The following FANCA variants were observed in gnomAD, a reference collection of about 807,000 sequenced individuals.
The protein encoded by FANCA is FA complementation group A, also known as Fanconi anemia group A protein.
A neutral mutation model predicts 194.3 loss-of-function variants in FANCA; 236 were observed. That is an observed-to-expected ratio of 1.21 (90% confidence interval 1.09 to 1.35). The LOEUF (loss-of-function observed/expected upper bound fraction) is 1.35. Ranked by LOEUF, FANCA falls within the 40% of genes most tolerant of loss-of-function variation. The pLI is 0.00. For missense variants in FANCA, 2,628 were observed against 1,813.9 expected (o/e 1.45, Z -8.15); for synonymous variants, 1,014 against 715.8 (o/e 1.42, Z -6.65).
At chr16:89,815,832 C>T (rs371908086) in intron 2 of FANCA, 45 bp downstream of exon 2, 31 of 1,479,840 alleles carry the variant, frequency 2.1e-5, no homozygotes, top group Non-Finnish European at 2.8e-5. Context: ...ACTCAAAAAC[C>T]CCGAACCTAA....
intron 22 of FANCA, among the ~76,000 whole-genome samples, chr16:89,772,545 C>T (rs1431874523): frequency 6.6e-6 from 1 of 151,572 alleles, no homozygotes; most frequent in Non-Finnish European, 1.5e-5. Flanking sequence ...AGGCCAGGCA[C>T]GGTGGCTCAC....
At chr16:89,814,082 G>C (rs1017796004) in intron 3 of FANCA, among the ~76,000 whole-genome samples, 2 of 152,164 alleles carry the variant, frequency 1.3e-5, no homozygotes, top group African/African-American at 4.8e-5. Flanking sequence ...CATCACATAA[G>C]GACGTGAAGG....
At chr16:89,767,338 G>T in intron 26 of FANCA, 101 bp from the exon 27 acceptor site, 1 of 832,934 alleles carries the variant, frequency 1.2e-6, no homozygotes, top group Non-Finnish European at 2.0e-6. Flanking sequence ...AGTGCATTCC[G>T]AACTGGATGG....
At chr16:89,811,852 T>G (rs961384622) in intron 3 of FANCA, among the ~76,000 whole-genome samples, 1 of 152,064 alleles carries the variant, frequency 6.6e-6, no homozygotes, top group Non-Finnish European at 1.5e-5. Context: ...TGCCTCAGCC[T>G]CCCAAGTAGC....
chr16:89,737,818 A>C lies in FANCA; in HGVS notation c.*783T>G. 1 of 1,614,142 alleles carries C rather than the reference A, an allele frequency of 6.2e-7. No homozygotes were observed. Among genetic ancestry groups the C allele is most frequent in the Non-Finnish European group, 8.5e-7 (1 of 1,180,040 alleles). On this transcript the variant is annotated 3_prime_UTR_variant, in exon 43 of 43. Transcript: ENST00000389301. ...TCTCCCCTCTCAGAGGTGCGGAACTATATCTGTGACGAATGTGGACAAACC... is the reference window on the plus strand; with the variant it reads ...TCTCCCCTCTCAGAGGTGCGGAACTCTATCTGTGACGAATGTGGACAAACC...
At chr16:89,811,162 G>A in intron 3 of FANCA, 91 bp from the exon 4 acceptor site, 10 of 1,537,726 alleles carry the variant, frequency 6.5e-6, no homozygotes, top group Non-Finnish European at 7.1e-6. Flanking sequence ...CTTATTTTAA[G>A]ATGCAGCACA....
intron 20 of FANCA, among the ~76,000 whole-genome samples, chr16:89,777,733 T>C (rs2039558665): frequency 6.6e-6 from 1 of 152,148 alleles, no homozygotes; most frequent in Admixed American, 6.6e-5. Flanking sequence ...GATCCAAGGA[T>C]ACCTTATTAT....
chr16:89,755,156 T>C (rs2143193717), intron 30 of FANCA, among the ~76,000 whole-genome samples: 1 of 152,040 alleles, frequency 6.6e-6, no homozygotes. Context: ...CAAATGGTGC[T>C]GGGACAACTG....
At chr16:89,798,969 C>T in intron 10 of FANCA, 197 bp downstream of exon 10, 1 of 1,613,282 alleles carries the variant, frequency 6.2e-7, no homozygotes, top group Non-Finnish European at 8.5e-7. Context: ...CTCATCCTCA[C>T]AGGAAAAGGC....
At position 89,816,557 on chromosome 16, in the gene FANCA, C is replaced by T. The variant is rs376307136; in HGVS notation, c.59G>A (p.Arg20Lys). ...ASGQDPGGRR[R>K]AWAELLAGRV... ...CCTACCCAGCAGCTCGGCCCAGGCC[C>T]TCCGGCGGCCCCCTGGGTCCTGGCC... Residue 20 changes from arginine (R) to lysine (K), a missense_variant, in exon 1 of 43, where the codon AGG becomes AAG. Physicochemically the swap from Arg to Lys is conservative, Grantham distance 26. Transcript: ENST00000389301. 309 of 1,511,088 alleles carry T rather than the reference C, an allele frequency of 2.0e-4. 6 individuals are homozygous for T. In the South Asian group the frequency reaches 2.9e-3, roughly 14 times the overall value. 93.6% of individuals were successfully genotyped at this position (1,511,088 alleles called of 1,614,324 possible). A position where few individuals can be genotyped will look rare whatever the true frequency, so the allele number is the denominator to read the frequency against.
chr16:89,800,790 G>T (rs60760906), intron 8 of FANCA, among the ~76,000 whole-genome samples: 2 of 151,766 alleles, frequency 1.3e-5, no homozygotes, highest in African/African-American at 4.8e-5. Flanking sequence ...CAGCACTTTC[G>T]GAAGTCGAGG....
intron 10 of FANCA, chr16:89,798,816 C>T: frequency 6.9e-7 from 1 of 1,452,628 alleles, no homozygotes; most frequent in Non-Finnish European, 9.0e-7. Context: ...AGAGGCAGGG[C>T]CAGCTCTAGA....
chr16:89,746,792 T>C (rs2143108418), intron 34 of FANCA, 39 bp downstream of exon 34: 1 of 1,580,024 alleles, frequency 6.3e-7, no homozygotes, highest in Non-Finnish European at 8.6e-7. Flanking sequence ...CCCACGGCGT[T>C]CTGAGAAGGC....
Position 89,799,249 on chromosome 16 carries a change from G to C in FANCA, c.827-17C>G, listed in dbSNP as rs1483669797. The C allele has an allele frequency of 1.2e-6, 2 of 1,613,534 alleles. No individual in the cohort carries two copies. The highest frequency in any genetic ancestry group is 1.3e-5 in the African/African-American group (1 of 74,902). On this transcript the variant is annotated splice_polypyrimidine_tract_variant and intron_variant, in intron 9 of 42. Coordinates refer to ENST00000389301, the MANE Select transcript of FANCA (RefSeq NM_000135.4). ...CAAGTGCAACTGAAGACAGAGCCAG[G>C]AACAGAAAACAGATGTCAGCACACG...
chr16:89,769,183 G>C (rs1346254994), intron 26 of FANCA, among the ~76,000 whole-genome samples: 1 of 152,162 alleles, frequency 6.6e-6, no homozygotes, highest in African/African-American at 2.4e-5. Context: ...ACAGGGCTCT[G>C]TCCCGACCTG....
intron 16 of FANCA, 23 bp from the exon 17 acceptor site, chr16:89,782,941 G>C (rs1485795440): frequency 1.9e-6 from 3 of 1,613,334 alleles, no homozygotes; most frequent in East Asian, 2.2e-5. Context: ...CACAGAATGA[G>C]AACAAGAAAA....
chr16:89,776,604 G>A (rs981942995), intron 20 of FANCA, among the ~76,000 whole-genome samples: 1 of 152,080 alleles, frequency 6.6e-6, no homozygotes, highest in Non-Finnish European at 1.5e-5. Flanking sequence ...GAGGCAGGCA[G>A]ATCAGGAGGT....
chr16:89,813,240 C>G (rs565872584), intron 3 of FANCA, among the ~76,000 whole-genome samples: 27 of 151,766 alleles, frequency 1.8e-4, no homozygotes, highest in African/African-American at 6.0e-4. Context: ...TATGGCAAAA[C>G]CCTGTCTCTA....
intron 32 of FANCA, among the ~76,000 whole-genome samples, chr16:89,749,040 A>C (rs1331847186): frequency 1.3e-5 from 2 of 152,252 alleles, no homozygotes; most frequent in Admixed American, 1.3e-4. Flanking sequence ...CAGTTACACG[A>C]TAACCAAGTG....
Sources: allele counts gnomAD v4.1 joint callset (sites outside exome capture counted in the v4.1 genomes callset), GRCh38; gene constraint gnomAD v4.1.1; transcripts MANE v1.5; gene names NCBI Gene and HGNC (gene_info 2026-07-23, HGNC 2026-07-21).